MVB12A: variants seen among roughly 807,000 people sequenced by gnomAD.
MVB12A encodes the protein multivesicular body subunit 12A.
In MVB12A, 30 loss-of-function variants were observed where a neutral mutation model predicts 34.3. The observed-to-expected ratio is 0.88, with a 90% CI of 0.65 to 1.19. The LOEUF (loss-of-function observed/expected upper bound fraction) is 1.19, where lower values mean the gene tolerates loss of function less well. MVB12A is among the 50% of genes most tolerant of loss of function. The pLI, the probability that MVB12A is intolerant of heterozygous loss-of-function variation, is 0.00. For synonymous variants in MVB12A, 158 were observed against 158.9 expected (o/e 0.99, Z 0.04); for missense variants, 355 against 369.2 (o/e 0.96, Z 0.31).
At chr19:17,417,075 G>C, upstream of MVB12A, 1 of 423,974 alleles carries the variant, frequency 2.4e-6, no homozygotes, top group Non-Finnish European at 4.7e-6. Context: ...ACTTTAGCAG[G>C]ACCCTTTGCA....
upstream of MVB12A, among the ~76,000 whole-genome samples, chr19:17,416,561 G>A (rs11668883): frequency 0.62 from 93,767 of 150,228 alleles, 32,723 homozygotes; most frequent in Non-Finnish European, 0.81. Flanking sequence ...GATTACAGGC[G>A]CCTGCCACCA....
At chr19:17,423,418 C>A in intron 4 of MVB12A, 80 bp from the exon 5 acceptor site, 3 of 1,510,338 alleles carry the variant, frequency 2.0e-6, no homozygotes, top group Non-Finnish European at 2.7e-6. Flanking sequence ...ATGCCCGGGT[C>A]CCCCGCCTTC....
At chr19:17,409,190 G>A (rs2074747876) in intron 2 of MVB12A, among the ~76,000 whole-genome samples, 1 of 149,916 alleles carries the variant, frequency 6.7e-6, no homozygotes, top group Non-Finnish European at 1.5e-5. Flanking sequence ...GAGTGCAGTG[G>A]TGTAATCTCG....
chr19:17,422,296 G>T (rs1418230032), intron 3 of MVB12A, 36 bp from the exon 4 acceptor site: 2 of 1,589,378 alleles, frequency 1.3e-6, no homozygotes, highest in Non-Finnish European at 1.7e-6. Context: ...CCCCTGCCTG[G>T]CTTCCCTCTC....
At chr19:17,413,065 T>C (rs901514787) in intron 2 of MVB12A, 3 of 151,548 alleles carry the variant, frequency 2.0e-5, no homozygotes, top group African/African-American at 4.8e-5. Context: ...TCTGGAGATG[T>C]GTGAGGGCTT....
Position 17,424,199 on chromosome 19 carries a change from G to T in MVB12A, c.702+132G>T, listed in dbSNP as rs550182325. 350 of 848,992 alleles carry T rather than the reference G, an allele frequency of 4.1e-4. 1 individual carries two copies. The African/African-American group carries it at 4.7e-3, about 11-fold the overall frequency. The allele number at this position is 848,992 out of a possible 1,614,324, so 52.6% of individuals were successfully genotyped here. A position where few individuals can be genotyped will look rare whatever the true frequency, so the allele number is the denominator to read the frequency against. The stretch of plus-strand genomic sequence containing the variant: ...TGGGGCTGGAGTGTGTCACCTCCAG[G>T]TGGCAGCTGGAAGGTCTTCAGTCTT... On this transcript the variant is annotated intron_variant, in intron 7 of 8. Coordinates refer to ENST00000317040, the MANE Select transcript of MVB12A (RefSeq NM_138401.4).
chr19:17,413,785 T>C (rs2074783332), intron 2 of MVB12A, among the ~76,000 whole-genome samples: 1 of 152,220 alleles, frequency 6.6e-6, no homozygotes, highest in African/African-American at 2.4e-5. Context: ...CATATTTTTA[T>C]TTTCTTTGAC....
chr19:17,407,169 T>C (rs2074733982), intron 2 of MVB12A, among the ~76,000 whole-genome samples: 1 of 152,170 alleles, frequency 6.6e-6, no homozygotes, highest in African/African-American at 2.4e-5. Flanking sequence ...TGATGTCCTC[T>C]CTAAATTTTG....
At chr19:17,411,337 C>G (rs765550829) in intron 2 of MVB12A, among the ~76,000 whole-genome samples, 16 of 151,916 alleles carry the variant, frequency 1.1e-4, no homozygotes, top group Admixed American at 2.0e-4. Flanking sequence ...TCCCACATTC[C>G]CTACACCCAA....
At chr19:17,413,983 G>C (rs1367986925) in intron 2 of MVB12A, among the ~76,000 whole-genome samples, 1 of 152,078 alleles carries the variant, frequency 6.6e-6, no homozygotes, top group African/African-American at 2.4e-5. Flanking sequence ...TTCCCATAAA[G>C]AAGAATTCAG....
rs1435561931 is a variant in MVB12A at position 17,425,096 on chromosome 19, C to T, written c.*103C>T. On this transcript the variant is annotated 3_prime_UTR_variant, in exon 9 of 9. Coordinates refer to ENST00000317040, the MANE Select transcript of MVB12A (RefSeq NM_138401.4). ...TGGGGCCACCCCCACTCACTGCATCCTGGGAACCTTCGCCCTGCAAGGCGT... is the reference window on the plus strand; with the variant it reads ...TGGGGCCACCCCCACTCACTGCATCTTGGGAACCTTCGCCCTGCAAGGCGT... The T allele has an allele frequency of 6.4e-6, 4 of 620,568 alleles. No homozygotes were observed. Among genetic ancestry groups the T allele is most frequent in the South Asian group, 2.1e-5 (1 of 47,764 alleles). The allele number at this position is 620,568 out of a possible 1,614,324, so 38.4% of individuals were successfully genotyped here. A position where few individuals can be genotyped will look rare whatever the true frequency, so the allele number is the denominator to read the frequency against.
chr19:17,407,815 G>A (rs1024725163), intron 2 of MVB12A, among the ~76,000 whole-genome samples: 4 of 152,224 alleles, frequency 2.6e-5, no homozygotes, highest in African/African-American at 9.6e-5. Flanking sequence ...CAGGGAAAAG[G>A]AGCCTCCCTT....
At chr19:17,424,599 C>T in intron 7 of MVB12A, 22 bp from the exon 8 acceptor site, 1 of 1,608,106 alleles carries the variant, frequency 6.2e-7, no homozygotes, top group Non-Finnish European at 8.5e-7. Flanking sequence ...GGGCCCAAGG[C>T]TGACCCACCT....
upstream of MVB12A, chr19:17,417,777 C>T (rs576025767): frequency 8.2e-5 from 20 of 242,556 alleles, no homozygotes; most frequent in Non-Finnish European, 1.1e-4. Context: ...GTACTTTATC[C>T]GCCTTTGCCA....
At chr19:17,419,152 GC>G (rs1213731212), upstream of MVB12A, 2 of 152,212 alleles carry the variant, frequency 1.3e-5, no homozygotes, top group Non-Finnish European at 2.9e-5. Flanking sequence ...AATTGAGCCT[GC>G]GTGTCTGGAG....
chr19:17,420,608 C>A lies in MVB12A; in HGVS notation c.260C>A (p.Ser87Tyr). The change falls in exon 3 of 9, where the codon TCC becomes TAC. Residue 87 changes from serine to tyrosine, a missense_variant. Physicochemically the swap from Ser to Tyr is moderately radical, Grantham distance 144. Transcript: ENST00000317040. ...VDKSPLPLGF[S>Y]PVCDPMDSKA... Reference sequence around the variant, plus strand: ...AAGAGCCCCCTGCCGCTGGGCTTCTCCCCCGTCTGCGACCCCATGGATTCC... The same window carrying A: ...AAGAGCCCCCTGCCGCTGGGCTTCTACCCCGTCTGCGACCCCATGGATTCC... 6.2e-7 allele frequency: 1 copy of A among 1,613,062 alleles called. No homozygotes were observed. Among genetic ancestry groups the A allele is most frequent in the Non-Finnish European group, 8.5e-7 (1 of 1,179,048 alleles).
chr19:17,419,652 G>A (rs1238226928), upstream of MVB12A: 1 of 152,678 alleles, frequency 6.5e-6, no homozygotes, highest in African/African-American at 2.4e-5. Context: ...TCGATCTCTT[G>A]ACCTCATGAT....
Position 17,424,935 on chromosome 19 carries a change from ACTACGG to A in MVB12A, c.767_772del (p.Tyr256_Gly257del). 1 of 1,607,138 alleles carries A rather than the reference ACTACGG, an allele frequency of 6.2e-7. No homozygotes were observed. The highest frequency in any genetic ancestry group is 1.1e-5 in the South Asian group (1 of 90,502). Reference sequence around the variant, plus strand: ...CTCTCTCTCCCCATCCCCCAGTATAACTACGGCTTCGTGGTGGAGAAGACCGCGGCT... The same window carrying A: ...CTCTCTCTCCCCATCCCCCAGTATAACTTCGTGGTGGAGAAGACCGCGGCT... On this transcript the variant is annotated inframe_deletion, in exon 9 of 9. Coordinates refer to ENST00000317040, the MANE Select transcript of MVB12A (RefSeq NM_138401.4).
intron 1 of MVB12A, chr19:17,405,843 G>A (rs112492472): frequency 0.011 from 4,047 of 373,670 alleles, 104 homozygotes; most frequent in African/African-American, 0.058. Context: ...AACTGTGGCT[G>A]CCTGGGACAC....
Sources: allele counts gnomAD v4.1 joint callset (sites outside exome capture counted in the v4.1 genomes callset), GRCh38; gene constraint gnomAD v4.1.1; transcripts MANE v1.5; gene names NCBI Gene and HGNC (gene_info 2026-07-23, HGNC 2026-07-21).